The following PTPRD variants were observed in gnomAD, a reference collection of about 807,000 sequenced individuals.
The protein encoded by PTPRD is protein tyrosine phosphatase receptor type D, also known as receptor-type tyrosine-protein phosphatase delta.
PTPRD carries 34 observed loss-of-function variants against 214.5 expected under a neutral mutation model. The observed-to-expected ratio is 0.16, with a 90% CI of 0.12 to 0.21. PTPRD has a LOEUF of 0.21. Among genes scored for constraint, PTPRD ranks in the 10% least tolerant of loss-of-function variants. The probability of loss-of-function intolerance (pLI) is 1.00; values close to 1 mark genes in which losing one functional copy is unlikely to be tolerated. For synonymous variants in PTPRD, 1,128 were observed against 845.7 expected (o/e 1.33, Z -5.79); for missense variants, 2,545 against 2,398.7 (o/e 1.06, Z -1.27).
chr9:9,210,833 A>T (rs1415453353), intron 9 of PTPRD, among the ~76,000 whole-genome samples: 30 of 151,868 alleles, frequency 2.0e-4, no homozygotes, highest in Admixed American at 1.7e-3. Flanking sequence ...TTTAGTTTCA[A>T]TATGCACAAG....
chr9:9,894,378 T>C (rs1019438728), intron 5 of PTPRD, among the ~76,000 whole-genome samples: 1 of 152,124 alleles, frequency 6.6e-6, no homozygotes. Context: ...GTGATCTTTC[T>C]ACTACCTCTC....
chr9:9,563,215 C>A (rs1201192723), intron 8 of PTPRD, among the ~76,000 whole-genome samples: 1 of 152,112 alleles, frequency 6.6e-6, no homozygotes, highest in African/African-American at 2.4e-5. Context: ...TTGTAAGGAG[C>A]AAGTCTATCC....
intron 7 of PTPRD, among the ~76,000 whole-genome samples, chr9:9,697,223 A>G (rs1354661685): frequency 6.6e-6 from 1 of 152,110 alleles, no homozygotes; most frequent in Non-Finnish European, 1.5e-5. Context: ...AATCACAATT[A>G]CAGTGTTAGA....
intron 11 of PTPRD, among the ~76,000 whole-genome samples, chr9:8,995,741 G>A (rs2099394134): frequency 1.3e-5 from 2 of 151,454 alleles, no homozygotes; most frequent in African/African-American, 4.9e-5. Flanking sequence ...AGGTTTCACA[G>A]TGTTATATAC....
At chr9:8,601,208 T>C (rs765731895) in intron 14 of PTPRD, among the ~76,000 whole-genome samples, 17 of 152,282 alleles carry the variant, frequency 1.1e-4, no homozygotes, top group Admixed American at 2.0e-4. Flanking sequence ...ATGGCTTTAT[T>C]GCCAGCCCAG....
At chr9:8,838,145 G>A (rs1447063511) in intron 11 of PTPRD, among the ~76,000 whole-genome samples, 1 of 152,004 alleles carries the variant, frequency 6.6e-6, no homozygotes, top group Non-Finnish European at 1.5e-5. Flanking sequence ...TATGATGACT[G>A]ACTTAATCAC....
At chr9:10,510,983 G>C (rs1029530421) in intron 2 of PTPRD, among the ~76,000 whole-genome samples, 2 of 152,012 alleles carry the variant, frequency 1.3e-5, no homozygotes, top group African/African-American at 4.8e-5. Context: ...TTTACTTAAT[G>C]TAACATAATG....
At chr9:8,537,841 G>A (rs2077332978) in intron 14 of PTPRD, among the ~76,000 whole-genome samples, 1 of 151,992 alleles carries the variant, frequency 6.6e-6, no homozygotes, top group Non-Finnish European at 1.5e-5. Flanking sequence ...CTACATAGCA[G>A]AACATAAACC....
rs1205329170 is a variant in PTPRD, at chr9:8,317,261, G to C, written c.*613C>G. 4.3e-6 allele frequency: 1 copy of C among 231,874 alleles called. No individual in the cohort carries two copies. The highest frequency in any genetic ancestry group is 2.2e-5 in the African/African-American group (1 of 45,164). 14.4% of individuals were successfully genotyped at this position (231,874 alleles called of 1,614,324 possible). On this transcript the variant is annotated 3_prime_UTR_variant, in exon 46 of 46. Transcript: ENST00000381196. ...CGATTTGGAAATAAAAAAATGAAGA[G>C]TTATGTAACTTTTTTAAAATTCACT...
At chr9:10,355,910 T>A (rs2097268364) in intron 2 of PTPRD, among the ~76,000 whole-genome samples, 1 of 152,178 alleles carries the variant, frequency 6.6e-6, no homozygotes, top group Admixed American at 6.5e-5. Flanking sequence ...TCAGTAGAAA[T>A]TTAATGATTG....
At chr9:10,265,852 T>C (rs998841990) in intron 3 of PTPRD, among the ~76,000 whole-genome samples, 1 of 152,204 alleles carries the variant, frequency 6.6e-6, no homozygotes, top group African/African-American at 2.4e-5. Context: ...TAAAATTCTG[T>C]CATTAGAAGT....
intron 12 of PTPRD, among the ~76,000 whole-genome samples, chr9:8,693,627 G>A: frequency 6.6e-6 from 1 of 152,224 alleles, no homozygotes; most frequent in Non-Finnish European, 1.5e-5. Context: ...GTAAGTGACA[G>A]AAGTCTGAGA....
At chr9:9,581,468 T>G (rs149735786) in intron 7 of PTPRD, among the ~76,000 whole-genome samples, 1 of 152,272 alleles carries the variant, frequency 6.6e-6, no homozygotes, top group African/African-American at 2.4e-5. Context: ...TTCAAGACTG[T>G]GAAGCTTATC....
chr9:9,878,962 AT>A (rs780959099), intron 5 of PTPRD, among the ~76,000 whole-genome samples: 4 of 152,180 alleles, frequency 2.6e-5, no homozygotes, highest in Non-Finnish European at 5.9e-5. Flanking sequence ...TTTTGAATGA[AT>A]GGATGAATGA....
intron 5 of PTPRD, among the ~76,000 whole-genome samples, chr9:9,862,181 C>G (rs1403118921): frequency 6.6e-6 from 1 of 151,434 alleles, no homozygotes; most frequent in Admixed American, 6.6e-5. Context: ...CACCTCTTGC[C>G]AAACTTGTTT....
intron 3 of PTPRD, among the ~76,000 whole-genome samples, chr9:10,141,861 G>C (rs1174313076): frequency 2.6e-5 from 4 of 151,588 alleles, no homozygotes; most frequent in African/African-American, 9.7e-5. Context: ...ATGCTACAAG[G>C]CTACAGTAAC....
chr9:8,791,921 C>A (rs1156545607), intron 11 of PTPRD, among the ~76,000 whole-genome samples: 1 of 152,094 alleles, frequency 6.6e-6, no homozygotes, highest in African/African-American at 2.4e-5. Context: ...GACAGCCAGA[C>A]CTTTATCCTT....
At chr9:8,947,417 C>A (rs2099072418) in intron 11 of PTPRD, among the ~76,000 whole-genome samples, 2 of 139,216 alleles carry the variant, frequency 1.4e-5, no homozygotes, top group South Asian at 2.2e-4. Flanking sequence ...GAGCTGAGAT[C>A]ATGCCACTGA....
intron 14 of PTPRD, among the ~76,000 whole-genome samples, chr9:8,623,287 G>C (rs895708316): frequency 3.3e-5 from 5 of 151,818 alleles, no homozygotes; most frequent in African/African-American, 1.2e-4. Context: ...CTGTTTTTTA[G>C]GATAAAAGGA....
Sources: allele counts gnomAD v4.1 joint callset (sites outside exome capture counted in the v4.1 genomes callset), GRCh38; gene constraint gnomAD v4.1.1; transcripts MANE v1.5; gene names NCBI Gene and HGNC (gene_info 2026-07-23, HGNC 2026-07-21).